DPP10: variants seen among roughly 807,000 people sequenced by gnomAD.
DPP10 encodes dipeptidyl peptidase like 10.
A neutral mutation model predicts 120.9 loss-of-function variants in DPP10; 33 were observed. The ratio of observed to expected loss-of-function variants is 0.27; its 90% confidence interval spans 0.21 to 0.37. The LOEUF is 0.37. DPP10 is among the 10% of genes least tolerant of loss of function. The pLI is 1.00. For missense variants in DPP10, 816 were observed against 942.8 expected (o/e 0.87, Z 1.76); for synonymous variants, 337 against 326.1 (o/e 1.03, Z -0.36).
intron 2 of DPP10, among the ~76,000 whole-genome samples, chr2:115,338,294 C>A (rs2063265889): frequency 6.6e-6 from 1 of 151,688 alleles, no homozygotes; most frequent in Non-Finnish European, 1.5e-5. Flanking sequence ...TGGTTGTAAA[C>A]AGGAGATTGT....
chr2:115,119,738 T>C (rs1449361825), intron 1 of DPP10, among the ~76,000 whole-genome samples: 2 of 152,124 alleles, frequency 1.3e-5, no homozygotes, highest in East Asian at 3.9e-4. Context: ...AGGATGCCTC[T>C]TGAATATTGA....
At chr2:115,348,915 C>T (rs761858506) in intron 3 of DPP10, among the ~76,000 whole-genome samples, 5 of 152,056 alleles carry the variant, frequency 3.3e-5, no homozygotes, top group Non-Finnish European at 7.4e-5. Context: ...TGTGTACCCA[C>T]AATTAAACCT....
chr2:115,807,829 G>GTTT (rs1686186018), intron 19 of DPP10, among the ~76,000 whole-genome samples: 1 of 150,642 alleles, frequency 6.6e-6, no homozygotes, highest in African/African-American at 2.4e-5. Flanking sequence ...ATATGTTTGG[G>GTTT]TTTTTTTTAA....
chr2:114,764,109 A>G (rs952369678), intron 1 of DPP10, among the ~76,000 whole-genome samples: 2 of 152,218 alleles, frequency 1.3e-5, no homozygotes, highest in African/African-American at 4.8e-5. Flanking sequence ...TACTGCTTAA[A>G]TAGTTACTAG....
intron 7 of DPP10, among the ~76,000 whole-genome samples, chr2:115,716,181 C>A (rs145964247): frequency 6.6e-6 from 1 of 152,268 alleles, no homozygotes; most frequent in African/African-American, 2.4e-5. Context: ...AAAACACTAG[C>A]AGACAGTTTA....
chr2:115,430,859 A>C (rs1285376828), intron 3 of DPP10, among the ~76,000 whole-genome samples: 1 of 152,186 alleles, frequency 6.6e-6, no homozygotes, highest in Admixed American at 6.6e-5. Flanking sequence ...GTATTTGACA[A>C]GTAGGACTTA....
chr2:115,137,514 T>A (rs1443254706), intron 1 of DPP10, among the ~76,000 whole-genome samples: 2 of 152,202 alleles, frequency 1.3e-5, no homozygotes, highest in Non-Finnish European at 2.9e-5. Flanking sequence ...CATCACTTTG[T>A]CCTGAGTGTT....
At chr2:114,477,495 G>A (rs985697509) in intron 1 of DPP10, among the ~76,000 whole-genome samples, 8 of 144,192 alleles carry the variant, frequency 5.5e-5, no homozygotes, top group Non-Finnish European at 7.5e-5. Context: ...ATATACATAC[G>A]TATATACACA....
chr2:115,804,489 TGGA>T (rs1231891067), intron 19 of DPP10, among the ~76,000 whole-genome samples: 1 of 152,210 alleles, frequency 6.6e-6, no homozygotes, highest in Non-Finnish European at 1.5e-5. Context: ...TGCGTTCCTT[TGGA>T]GGAGGAGAGG....
At chr2:114,767,794 T>C (rs1000006930) in intron 1 of DPP10, among the ~76,000 whole-genome samples, 1 of 152,092 alleles carries the variant, frequency 6.6e-6, no homozygotes, top group South Asian at 2.1e-4. Flanking sequence ...TTCTAGTAAA[T>C]AGGCAAGACT....
At chr2:115,335,411 G>C (rs547269913) in intron 2 of DPP10, among the ~76,000 whole-genome samples, 1 of 151,998 alleles carries the variant, frequency 6.6e-6, no homozygotes, top group South Asian at 2.1e-4. Context: ...TTTTCTAGGT[G>C]ATAAGTTAGG....
chr2:114,674,057 T>C (rs1304897668), intron 1 of DPP10, among the ~76,000 whole-genome samples: 5 of 152,110 alleles, frequency 3.3e-5, no homozygotes, highest in African/African-American at 1.2e-4. Context: ...TTTATGTTTC[T>C]AATAATTAAA....
At chr2:115,717,835 A>G (rs376249795) in intron 7 of DPP10, among the ~76,000 whole-genome samples, 20 of 152,270 alleles carry the variant, frequency 1.3e-4, no homozygotes, top group African/African-American at 4.1e-4. Flanking sequence ...TTTCAATTAC[A>G]GTTTTATTAT....
intron 1 of DPP10, among the ~76,000 whole-genome samples, chr2:115,273,345 T>C (rs1241828323): frequency 6.6e-6 from 1 of 152,064 alleles, no homozygotes; most frequent in African/African-American, 2.4e-5. Context: ...TTTTTGTTTG[T>C]TTGTGTTTTT....
chr2:114,599,509 T>C (rs72953528), intron 1 of DPP10, among the ~76,000 whole-genome samples: 3,719 of 151,974 alleles, frequency 0.024, 152 homozygotes, highest in African/African-American at 0.084. Context: ...CTTGTTTGAA[T>C]ATACTACTTT....
chr2:114,844,693 C>G lies in DPP10; in HGVS notation c.60+401855C>G, dbSNP rs1688410797. 2.6e-5 allele frequency among the ~76,000 whole-genome samples: 4 copies of G among 152,014 alleles called. No individual in the cohort carries two copies. In the South Asian group the frequency reaches 8.3e-4, roughly 32 times the overall value. ...TTTATTTCTACTTTCCCTATGATCTCTCTTTAGCAATATTCCTTTTTTTTC... is the reference window on the plus strand; with the variant it reads ...TTTATTTCTACTTTCCCTATGATCTGTCTTTAGCAATATTCCTTTTTTTTC... On this transcript the variant is annotated intron_variant, in intron 1 of 25. Coordinates refer to ENST00000410059, the MANE Select transcript of DPP10 (RefSeq NM_020868.6).
chr2:115,099,414 G>A (rs368382016), intron 1 of DPP10, among the ~76,000 whole-genome samples: 1 of 152,286 alleles, frequency 6.6e-6, no homozygotes. Context: ...CGGTGATCAA[G>A]GTAGCATCTC....
intron 5 of DPP10, among the ~76,000 whole-genome samples, chr2:115,658,750 A>G (rs2149400588): frequency 6.6e-6 from 1 of 152,272 alleles, no homozygotes; most frequent in Non-Finnish European, 1.5e-5. Flanking sequence ...TCTTTACAAT[A>G]CATGATAGTC....
chr2:114,680,977 G>A (rs1698988630), intron 1 of DPP10, among the ~76,000 whole-genome samples: 1 of 151,776 alleles, frequency 6.6e-6, no homozygotes, highest in African/African-American at 2.4e-5. Flanking sequence ...TTTTCATATT[G>A]TCCATATTAT....
Sources: gnomAD v4.1 joint callset for allele counts (sites outside exome capture counted in the v4.1 genomes callset) on GRCh38, gnomAD v4.1.1 for gene constraint, MANE v1.5 for transcripts, NCBI Gene and HGNC (gene_info 2026-07-23, HGNC 2026-07-21) for gene names.